The following DGKI variants were observed in gnomAD, a reference collection of about 807,000 sequenced individuals.
DGKI encodes diacylglycerol kinase iota.
DGKI carries 55 observed loss-of-function variants against 147.5 expected under a neutral mutation model. The ratio of observed to expected loss-of-function variants is 0.37; its 90% confidence interval spans 0.30 to 0.47. The LOEUF is 0.47. Among genes scored for constraint, DGKI ranks in the 20% least tolerant of loss-of-function variants. The probability of loss-of-function intolerance (pLI) is 1.00; values close to 1 mark genes in which losing one functional copy is unlikely to be tolerated. For synonymous variants in DGKI, 469 were observed against 477.1 expected (o/e 0.98, Z 0.22); for missense variants, 1,007 against 1,323.8 (o/e 0.76, Z 3.71).
chr7:137,791,463 G>A (rs1406763159), intron 1 of DGKI, among the ~76,000 whole-genome samples: 2 of 152,130 alleles, frequency 1.3e-5, no homozygotes, highest in Admixed American at 1.3e-4. Flanking sequence ...ATTACAAAAG[G>A]CAAGCCAACT....
chr7:137,612,495 A>G (rs921751541), intron 8 of DGKI, among the ~76,000 whole-genome samples: 3 of 152,110 alleles, frequency 2.0e-5, no homozygotes, highest in Admixed American at 6.6e-5. Context: ...GTATAAATAC[A>G]TATCTCTATT....
At chr7:137,444,226 T>C (rs546184875) in intron 27 of DGKI, 124 bp from the exon 28 acceptor site, 1 of 595,114 alleles carries the variant, frequency 1.7e-6, no homozygotes, top group African/African-American at 1.9e-5. Context: ...GTAGACAGTG[T>C]AATTAATGTG....
At chr7:137,399,431 C>A (rs1419604282) in intron 30 of DGKI, among the ~76,000 whole-genome samples, 1 of 152,146 alleles carries the variant, frequency 6.6e-6, no homozygotes, top group Non-Finnish European at 1.5e-5. Context: ...CACACACATA[C>A]AAAAGTGCAG....
intron 20 of DGKI, among the ~76,000 whole-genome samples, chr7:137,525,188 C>A (rs372818898): frequency 6.6e-6 from 1 of 152,130 alleles, no homozygotes; most frequent in South Asian, 2.1e-4. Context: ...ATCAGCTAAG[C>A]AAGACAGAAG....
intron 23 of DGKI, among the ~76,000 whole-genome samples, chr7:137,483,626 G>A (rs1335401293): frequency 1.3e-5 from 2 of 151,976 alleles, no homozygotes; most frequent in African/African-American, 2.4e-5. Flanking sequence ...GCCCTAGTGT[G>A]TGTTGTTCCC....
At chr7:137,567,900 T>C (rs1818645770) in intron 19 of DGKI, among the ~76,000 whole-genome samples, 1 of 152,206 alleles carries the variant, frequency 6.6e-6, no homozygotes, top group African/African-American at 2.4e-5. Flanking sequence ...ATATTGTATA[T>C]ACGTAATGTC....
At chr7:137,459,516 C>T (rs367812010) in intron 27 of DGKI, among the ~76,000 whole-genome samples, 8 of 143,098 alleles carry the variant, frequency 5.6e-5, no homozygotes, top group Admixed American at 4.2e-4. Flanking sequence ...TCGCTGTTGC[C>T]CAGGCTGGAG....
intron 13 of DGKI, 34 bp from the exon 14 acceptor site, chr7:137,585,380 A>G (rs372873372): frequency 6.2e-6 from 10 of 1,607,076 alleles, no homozygotes; most frequent in Non-Finnish European, 5.1e-6. Flanking sequence ...ATTGCTGTCC[A>G]GAGTGGAGAA....
chr7:137,618,368 C>T (rs1386355033), intron 8 of DGKI, among the ~76,000 whole-genome samples: 2 of 150,940 alleles, frequency 1.3e-5, no homozygotes, highest in South Asian at 2.1e-4. Context: ...GTACTCATGC[C>T]TGTGTGCCAT....
intron 1 of DGKI, among the ~76,000 whole-genome samples, chr7:137,803,261 G>C (rs1018150863): frequency 1.3e-5 from 2 of 152,076 alleles, no homozygotes; most frequent in South Asian, 4.2e-4. Flanking sequence ...AGAAGATGGA[G>C]GTAAGTTTGA....
chr7:137,556,273 TA>T (rs1473549130), intron 19 of DGKI, among the ~76,000 whole-genome samples: 1 of 147,044 alleles, frequency 6.8e-6, no homozygotes, highest in East Asian at 2.0e-4. Flanking sequence ...TTATTCACAA[TA>T]AAAAAAAATT....
chr7:137,527,715 AGAGTT>A (rs1482348622), intron 20 of DGKI, among the ~76,000 whole-genome samples: 1 of 152,132 alleles, frequency 6.6e-6, no homozygotes, highest in East Asian at 1.9e-4. Flanking sequence ...CTACTCATAT[AGAGTT>A]GTTTTTCTTT....
intron 1 of DGKI, among the ~76,000 whole-genome samples, chr7:137,745,673 G>A (rs777062940): frequency 2.0e-4 from 31 of 152,008 alleles, no homozygotes; most frequent in Non-Finnish European, 3.8e-4. Context: ...CTTAATAATG[G>A]TTCCAAAATG....
intron 6 of DGKI, among the ~76,000 whole-genome samples, chr7:137,632,586 T>C (rs900286990): frequency 7.9e-5 from 12 of 152,134 alleles, no homozygotes; most frequent in Middle Eastern, 3.4e-3. Context: ...AGGCCGGGCA[T>C]GGTGGCTCAC....
At chr7:137,532,011 CA>C (rs1817355070) in intron 20 of DGKI, among the ~76,000 whole-genome samples, 1 of 133,408 alleles carries the variant, frequency 7.5e-6, no homozygotes, top group Non-Finnish European at 1.6e-5. Context: ...AAATATTGAA[CA>C]CATTTCATCT....
intron 3 of DGKI, among the ~76,000 whole-genome samples, chr7:137,669,425 CT>C: frequency 6.6e-6 from 1 of 152,190 alleles, no homozygotes; most frequent in African/African-American, 2.4e-5. Context: ...GTCCCTGCCC[CT>C]GGAAAACATT....
chr7:137,687,315 C>A (rs950515685), intron 2 of DGKI, among the ~76,000 whole-genome samples: 1 of 152,142 alleles, frequency 6.6e-6, no homozygotes, highest in Non-Finnish European at 1.5e-5. Flanking sequence ...AAAGAGGCTC[C>A]AACCCTTTTC....
Position 137,706,578 on chromosome 7 carries a change from T to TATTTTA in DGKI, c.402-16577_402-16576insTAAAAT, listed in dbSNP as rs1563159602. ...ATTTTTTATTTTTTATTTTTATTTT[T>TATTTTA]ATTTTTTTTTTTGAGACACAGTCTC... On this transcript the variant is annotated intron_variant, in intron 1 of 32. Coordinates refer to ENST00000614521, the MANE Select transcript of DGKI (RefSeq NM_001321708.2). 2.0e-5 allele frequency among the ~76,000 whole-genome samples: 3 copies of TATTTTA among 150,304 alleles called. No individual in the cohort carries two copies. In the East Asian group the frequency reaches 5.8e-4, roughly 29 times the overall value.
At chr7:137,610,188 A>T (rs1383134766) in intron 8 of DGKI, among the ~76,000 whole-genome samples, 1 of 152,132 alleles carries the variant, frequency 6.6e-6, no homozygotes, top group Non-Finnish European at 1.5e-5. Flanking sequence ...ATGCAAAGAT[A>T]ATACTCACCT....
Sources: allele counts gnomAD v4.1 joint callset (sites outside exome capture counted in the v4.1 genomes callset), GRCh38; gene constraint gnomAD v4.1.1; transcripts MANE v1.5; gene names NCBI Gene and HGNC (gene_info 2026-07-23, HGNC 2026-07-21).